Variants in DGKB observed in about 807,000 individuals in gnomAD.
The protein encoded by DGKB is 90 kDa diacylglycerol kinase.
In DGKB, 67 loss-of-function variants were observed where a neutral mutation model predicts 114.3. The ratio of observed to expected loss-of-function variants is 0.59; its 90% confidence interval spans 0.48 to 0.72. DGKB has a LOEUF of 0.72. Among genes scored for constraint, DGKB ranks in the 30% least tolerant of loss-of-function variants. The probability of loss-of-function intolerance (pLI) is 0.00; values close to 1 mark genes in which losing one functional copy is unlikely to be tolerated. For missense variants in DGKB, 907 were observed against 975.2 expected (o/e 0.93, Z 0.93); for synonymous variants, 398 against 323.1 (o/e 1.23, Z -2.49).
At chr7:14,544,015 C>T (rs10245632) in intron 20 of DGKB, among the ~76,000 whole-genome samples, 14,636 of 152,046 alleles carry the variant, frequency 0.096, 1,011 homozygotes, top group East Asian at 0.33. Context: ...AATTGTATTG[C>T]TATTAGTATA....
chr7:14,199,175 A>G (rs1785463858), intron 23 of DGKB, among the ~76,000 whole-genome samples: 1 of 152,064 alleles, frequency 6.6e-6, no homozygotes, highest in African/African-American at 2.4e-5. Flanking sequence ...TATAAGTAAT[A>G]AAATTATAAA....
intron 20 of DGKB, among the ~76,000 whole-genome samples, chr7:14,509,983 G>A (rs1187545954): frequency 1.3e-5 from 2 of 152,098 alleles, no homozygotes; most frequent in Non-Finnish European, 2.9e-5. Context: ...AGACCATCCT[G>A]GCTGACACGG....
chr7:14,583,583 G>T (rs7782685), intron 17 of DGKB, among the ~76,000 whole-genome samples: 8,553 of 152,190 alleles, frequency 0.056, 822 homozygotes, highest in African/African-American at 0.19. Context: ...CTTTAACAAT[G>T]TTCTACTTTC....
At chr7:14,484,985 GA>G (rs11298951) in intron 20 of DGKB, among the ~76,000 whole-genome samples, 151,802 of 151,802 alleles carry the variant, frequency 1, 75,901 homozygotes, top group Non-Finnish European at 1. Context: ...CAAAGTAACA[GA>G]AAAATAATAC....
At chr7:14,701,419 T>G (rs1825152384) in intron 7 of DGKB, among the ~76,000 whole-genome samples, 1 of 152,210 alleles carries the variant, frequency 6.6e-6, no homozygotes, top group Admixed American at 6.5e-5. Context: ...GCCTTTCTTT[T>G]TTTTACCTAA....
intron 20 of DGKB, among the ~76,000 whole-genome samples, chr7:14,492,589 A>T (rs1404414136): frequency 6.6e-6 from 1 of 152,048 alleles, no homozygotes; most frequent in African/African-American, 2.4e-5. Flanking sequence ...TGGGTATTAG[A>T]TGTAATACTT....
chr7:14,254,612 C>T (rs1195108591), intron 23 of DGKB, among the ~76,000 whole-genome samples: 1 of 152,098 alleles, frequency 6.6e-6, no homozygotes, highest in Non-Finnish European at 1.5e-5. Context: ...TTGGAAAGTA[C>T]TTCTCTATAT....
chr7:14,885,430 T>C (rs970529780), intron 1 of DGKB, among the ~76,000 whole-genome samples: 3 of 151,836 alleles, frequency 2.0e-5, no homozygotes, highest in East Asian at 1.9e-4. Context: ...GCAATGTTTC[T>C]TGGAGAGAGT....
intron 16 of DGKB, among the ~76,000 whole-genome samples, chr7:14,609,698 T>C (rs765816721): frequency 9.2e-5 from 14 of 151,934 alleles, no homozygotes; most frequent in South Asian, 4.1e-4. Flanking sequence ...AATAACCCCA[T>C]TAAACATGAG....
intron 1 of DGKB, among the ~76,000 whole-genome samples, chr7:14,919,125 A>ACACAC (rs1420419755): frequency 1.0e-5 from 1 of 95,558 alleles, no homozygotes; most frequent in Admixed American, 9.3e-5. Context: ...CACACACACA[A>ACACAC]AGTTTATATG....
chr7:14,950,326 C>T (rs1330259227), intron 1 of DGKB, among the ~76,000 whole-genome samples: 1 of 151,650 alleles, frequency 6.6e-6, no homozygotes, highest in Non-Finnish European at 1.5e-5. Flanking sequence ...AATTAATAAC[C>T]TAAATTTTCG....
At chr7:14,303,112 C>A (rs767236301) in intron 23 of DGKB, among the ~76,000 whole-genome samples, 1 of 152,102 alleles carries the variant, frequency 6.6e-6, no homozygotes, top group Non-Finnish European at 1.5e-5. Context: ...TGTCCAGTGC[C>A]AGTTTTCAAA....
chr7:14,199,006 C>T (rs1354731608), intron 23 of DGKB, among the ~76,000 whole-genome samples: 2 of 152,016 alleles, frequency 1.3e-5, no homozygotes, highest in East Asian at 3.9e-4. Context: ...TAAAGGGCAA[C>T]TTCAGGTAAG....
At chr7:14,729,324 G>A (rs188311572) in intron 5 of DGKB, among the ~76,000 whole-genome samples, 1,950 of 151,102 alleles carry the variant, frequency 0.013, 14 homozygotes, top group Non-Finnish European at 0.019. Flanking sequence ...AGGTTTCACC[G>A]TGTTAGCCAG....
chr7:14,572,003 A>G (rs575325283), intron 20 of DGKB, among the ~76,000 whole-genome samples: 19 of 152,310 alleles, frequency 1.2e-4, no homozygotes, highest in Non-Finnish European at 2.5e-4. Flanking sequence ...AAACGAGGAG[A>G]TATGCAAAGG....
At chr7:14,340,645 C>T (rs1356039701) in intron 22 of DGKB, among the ~76,000 whole-genome samples, 1 of 151,396 alleles carries the variant, frequency 6.6e-6, no homozygotes, top group Non-Finnish European at 1.5e-5. Flanking sequence ...CTGAAATCTG[C>T]CTAATTTATG....
At chr7:14,272,927 G>C (rs1186669695) in intron 23 of DGKB, among the ~76,000 whole-genome samples, 1 of 152,126 alleles carries the variant, frequency 6.6e-6, no homozygotes, top group Non-Finnish European at 1.5e-5. Context: ...AATCTATTTG[G>C]GGGAATACAT....
chr7:14,787,584 A>G (rs1840078600), intron 2 of DGKB, among the ~76,000 whole-genome samples: 1 of 152,172 alleles, frequency 6.6e-6, no homozygotes, highest in Non-Finnish European at 1.5e-5. Context: ...AAAACAACAG[A>G]TACATTTTTA....
intron 1 of DGKB, among the ~76,000 whole-genome samples, chr7:14,927,025 G>C (rs919783132): frequency 6.6e-6 from 1 of 151,910 alleles, no homozygotes; most frequent in Admixed American, 6.6e-5. Context: ...TCTTGAAGGA[G>C]CATGTTTATT....
Sources: allele counts gnomAD v4.1 joint callset (sites outside exome capture counted in the v4.1 genomes callset), GRCh38; gene constraint gnomAD v4.1.1; transcripts MANE v1.5; gene names NCBI Gene and HGNC (gene_info 2026-07-23, HGNC 2026-07-21).